KLHL1: variants seen among roughly 807,000 people sequenced by gnomAD.
KLHL1 encodes the protein kelch-like protein 1.
Under a neutral mutation model 77.7 loss-of-function variants are expected in KLHL1, and 47 were observed. The ratio of observed to expected loss-of-function variants is 0.60; its 90% confidence interval spans 0.48 to 0.77. KLHL1 has a LOEUF of 0.77. Ranked by LOEUF, KLHL1 falls within the 30% of genes least tolerant of loss-of-function variation. KLHL1 has a pLI of 0.00. For missense variants in KLHL1, 925 were observed against 910.8 expected (o/e 1.02, Z -0.20); for synonymous variants, 360 against 325.2 (o/e 1.11, Z -1.15).
In KLHL1 at chr13:70,107,613, G is replaced by C. The variant is rs191673952; in HGVS notation, c.87C>G (p.Thr29=). ...WKLFSHPSPS[T]GGPAGGGCLQ... is the part of the protein sequence containing the mutation. The stretch of plus-strand genomic sequence containing the variant: ...GGCAGCCTCCCCCCGCCGGGCCGCC[G>C]GTGGAAGGAGACGGGTGGCTGAAGA... Residue 29 remains threonine, a synonymous_variant, in exon 1 of 11, where the codon ACC becomes ACG. Coordinates refer to ENST00000377844, the MANE Select transcript of KLHL1 (RefSeq NM_020866.3). The C allele has an allele frequency of 3.1e-5, 49 of 1,587,496 alleles. No homozygotes were observed. The East Asian group carries it at 1.0e-3, about 33-fold the overall frequency.
At chr13:69,795,224 T>TTC in intron 7 of KLHL1, among the ~76,000 whole-genome samples, 1 of 152,186 alleles carries the variant, frequency 6.6e-6, no homozygotes, top group East Asian at 1.9e-4. Context: ...TCATCTTTCC[T>TTC]TCTCTCTCTC....
At chr13:69,705,819 A>AG (rs1875599142) in intron 10 of KLHL1, among the ~76,000 whole-genome samples, 2 of 151,774 alleles carry the variant, frequency 1.3e-5, no homozygotes, top group South Asian at 4.1e-4. Flanking sequence ...AATGATCTTT[A>AG]GGAGTCTTTT....
chr13:69,999,504 A>T (rs915622349), intron 1 of KLHL1, among the ~76,000 whole-genome samples: 4 of 152,132 alleles, frequency 2.6e-5, no homozygotes, highest in Non-Finnish European at 4.4e-5. Context: ...TTTCAAGTAT[A>T]AACTTTCCCT....
At chr13:69,884,950 T>TTTC (rs1566363425) in intron 4 of KLHL1, among the ~76,000 whole-genome samples, 2 of 134,060 alleles carry the variant, frequency 1.5e-5, no homozygotes, top group African/African-American at 6.8e-5. Flanking sequence ...TTTTTTTTTT[T>TTTC]TGAGACGGAG....
intron 3 of KLHL1, among the ~76,000 whole-genome samples, chr13:69,957,996 A>G (rs144526255): frequency 6.6e-6 from 1 of 151,924 alleles, no homozygotes; most frequent in African/African-American, 2.4e-5. Context: ...AAGTAAAGAA[A>G]CTAACTTCAT....
At position 69,897,422 on chromosome 13, in the gene KLHL1, G is replaced by A. The variant is rs571135813; in HGVS notation, c.1015-14927C>T. Among the ~76,000 whole-genome samples the A allele has an allele frequency of 2.6e-5, 4 of 152,308 alleles. No individual in the cohort carries two copies. The East Asian group carries it at 7.7e-4, about 29-fold the overall frequency. ...TTGACATCAACGGACATTCTACAAT[G>A]CAACAACTAATTGAGACTTGTGACT... On this transcript the variant is annotated intron_variant, in intron 4 of 10. Transcript: ENST00000377844.
Position 70,107,907 on chromosome 13 carries a change from G to C in KLHL1, c.-208C>G, listed in dbSNP as rs1165619274. On this transcript the variant is annotated 5_prime_UTR_variant, in exon 1 of 11. Coordinates refer to ENST00000377844, the MANE Select transcript of KLHL1 (RefSeq NM_020866.3). ...AAAGCCGCGCGTTTCAGCCGTGGTCGGGTCCGCAGGACCTGGGCGTGGGGA... is the reference window on the plus strand; with the variant it reads ...AAAGCCGCGCGTTTCAGCCGTGGTCCGGTCCGCAGGACCTGGGCGTGGGGA... 2 of 515,718 alleles carry C rather than the reference G, an allele frequency of 3.9e-6. No individual in the cohort carries two copies. Among genetic ancestry groups the C allele is most frequent in the East Asian group, 3.1e-5 (1 of 32,570 alleles). 31.9% of individuals were successfully genotyped at this position (515,718 alleles called of 1,614,324 possible).
chr13:69,972,429 A>G (rs541551007), intron 2 of KLHL1, among the ~76,000 whole-genome samples: 5 of 152,072 alleles, frequency 3.3e-5, no homozygotes, highest in African/African-American at 1.2e-4. Context: ...ATACTTTTCT[A>G]TCTATCAAAT....
intron 2 of KLHL1, among the ~76,000 whole-genome samples, chr13:69,967,158 T>C (rs983519480): frequency 6.6e-6 from 1 of 152,172 alleles, no homozygotes; most frequent in Non-Finnish European, 1.5e-5. Context: ...GGTAGTTTTA[T>C]TTTTAGTTCT....
At chr13:70,067,679 G>T (rs1887042360) in intron 1 of KLHL1, among the ~76,000 whole-genome samples, 2 of 152,104 alleles carry the variant, frequency 1.3e-5, no homozygotes, top group Non-Finnish European at 2.9e-5. Flanking sequence ...TCTTGATGTG[G>T]CTTTGAATTC....
chr13:70,019,248 C>T (rs1371642434), intron 1 of KLHL1, among the ~76,000 whole-genome samples: 1 of 151,934 alleles, frequency 6.6e-6, no homozygotes, highest in African/African-American at 2.4e-5. Flanking sequence ...CAAATGGAAA[C>T]GTAATATGTT....
At chr13:69,964,044 A>T (rs566832944) in intron 2 of KLHL1, among the ~76,000 whole-genome samples, 93 of 130,204 alleles carry the variant, frequency 7.1e-4, no homozygotes, top group Middle Eastern at 7.8e-3. Context: ...TTTTTTTGTC[A>T]GTTTGTTTGT....
chr13:70,103,034 A>C (rs1055577636), intron 1 of KLHL1, among the ~76,000 whole-genome samples: 7 of 152,162 alleles, frequency 4.6e-5, no homozygotes, highest in Non-Finnish European at 8.8e-5. Flanking sequence ...TTTTTTAAAA[A>C]GTAGAGAACA....
At chr13:69,864,588 C>T (rs2138160304) in intron 5 of KLHL1, among the ~76,000 whole-genome samples, 1 of 152,064 alleles carries the variant, frequency 6.6e-6, no homozygotes, top group South Asian at 2.1e-4. Context: ...TTCAATTTTT[C>T]AAATATAGTT....
At chr13:70,105,462 T>G (rs1888029081) in intron 1 of KLHL1, among the ~76,000 whole-genome samples, 1 of 151,552 alleles carries the variant, frequency 6.6e-6, no homozygotes, top group Non-Finnish European at 1.5e-5. Flanking sequence ...CATTAATATT[T>G]CTAGGAGCTT....
chr13:69,927,224 TAA>T lies in KLHL1; in HGVS notation c.1014+12814_1014+12815del, dbSNP rs1263653497. Among the ~76,000 whole-genome samples the T allele has an allele frequency of 3.9e-5, 6 of 151,988 alleles. No individual in the cohort carries two copies. In the East Asian group the frequency reaches 9.7e-4, roughly 25 times the overall value. On this transcript the variant is annotated intron_variant, in intron 4 of 10. Transcript: ENST00000377844. ...CACATGATACACACATGCAAAATAATAAAGTTACACCTTTACTTCACACCATA... is the reference window on the plus strand; with the variant it reads ...CACATGATACACACATGCAAAATAATAGTTACACCTTTACTTCACACCATA...
intron 1 of KLHL1, among the ~76,000 whole-genome samples, chr13:70,049,989 T>C (rs1463549480): frequency 2.0e-5 from 3 of 151,870 alleles, no homozygotes; most frequent in Admixed American, 6.6e-5. Context: ...ATAATTTATA[T>C]AGAAAAAACA....
intron 6 of KLHL1, among the ~76,000 whole-genome samples, chr13:69,835,196 CTG>C (rs1380867707): frequency 6.6e-6 from 1 of 152,004 alleles, no homozygotes; most frequent in Non-Finnish European, 1.5e-5. Context: ...ATGGAGAAAA[CTG>C]TAGAATAAAA....
At chr13:69,907,488 T>C (rs923494771) in intron 4 of KLHL1, among the ~76,000 whole-genome samples, 1 of 152,036 alleles carries the variant, frequency 6.6e-6, no homozygotes, top group Non-Finnish European at 1.5e-5. Context: ...ACATTTGTGT[T>C]TATATGTAAA....
Sources: gnomAD v4.1 joint callset for allele counts (sites outside exome capture counted in the v4.1 genomes callset) on GRCh38, gnomAD v4.1.1 for gene constraint, MANE v1.5 for transcripts, NCBI Gene and HGNC (gene_info 2026-07-23, HGNC 2026-07-21) for gene names.